AFF2: variants seen among roughly 807,000 people sequenced by gnomAD.
AFF2 encodes the protein ALF transcription elongation factor 2.
In AFF2, 14 loss-of-function variants were observed where a neutral mutation model predicts 76.9. That is an observed-to-expected ratio of 0.18 (90% CI 0.12 to 0.28). The LOEUF is 0.28. Among genes scored for constraint, AFF2 ranks in the 10% least tolerant of loss-of-function variants. The probability of loss-of-function intolerance (pLI) is 1.00; values close to 1 mark genes in which losing one functional copy is unlikely to be tolerated. For synonymous variants in AFF2, 398 were observed against 366.7 expected (o/e 1.09, Z -0.98); for missense variants, 868 against 1,001.1 (o/e 0.87, Z 1.79).
intron 3 of AFF2, among the ~76,000 whole-genome samples, chrX:148,762,006 TATAG>T (rs1358697574): frequency 2.4e-4 from 26 of 108,404 alleles, no homozygotes; most frequent in African/African-American, 7.6e-4. Flanking sequence ...TAGATATAGA[TATAG>T]ATAGATATAT....
chrX:148,563,966 C>T (rs2053141664), intron 1 of AFF2, among the ~76,000 whole-genome samples: 1 of 111,912 alleles, frequency 8.9e-6, no homozygotes, highest in South Asian at 3.7e-4. Flanking sequence ...CAGAACTTGA[C>T]TATCTTTTGT....
intron 14 of AFF2, 120 bp downstream of exon 14, chrX:148,967,199 A>G (rs1045324182): frequency 8.6e-6 from 9 of 1,046,598 alleles, no homozygotes; most frequent in Non-Finnish European, 1.1e-5. Context: ...CAAATCCTAT[A>G]CCCTTAAAAG....
At chrX:148,987,639 T>C in intron 20 of AFF2, 82 bp downstream of exon 20, 1 of 866,307 alleles carries the variant, frequency 1.2e-6, no homozygotes, top group South Asian at 2.6e-5. Flanking sequence ...TTGTACTTGG[T>C]GGCCTTATAT....
intron 3 of AFF2, among the ~76,000 whole-genome samples, chrX:148,721,831 C>T (rs113431036): frequency 2.7e-5 from 3 of 111,838 alleles, no homozygotes; most frequent in African/African-American, 6.5e-5. Flanking sequence ...TTGGTAGCCC[C>T]GGGCGTTGCC....
intron 9 of AFF2, among the ~76,000 whole-genome samples, chrX:148,905,559 G>A (rs191528822): frequency 2.7e-5 from 3 of 112,236 alleles, no homozygotes; most frequent in South Asian, 3.7e-4. Context: ...CTGGGTGGGC[G>A]ATTAGTGATC....
At chrX:148,628,572 CAA>C (rs782227745) in intron 1 of AFF2, among the ~76,000 whole-genome samples, 16 of 66,362 alleles carry the variant, frequency 2.4e-4, no homozygotes, top group South Asian at 6.6e-4. Context: ...GGTAGGTAAC[CAA>C]AAAAAAAAAA....
intron 19 of AFF2, among the ~76,000 whole-genome samples, chrX:148,985,285 CTTTTTTTTTTTTTTTTTTTTT>C (rs151339705): frequency 1.3e-4 from 2 of 15,382 alleles, no homozygotes; most frequent in Non-Finnish European, 2.4e-4. Flanking sequence ...TGTGCCTGGC[CTTTTTTTTTTTTTTTTTTTTT>C]TTTTTTTTTT....
At chrX:148,862,392 G>A (rs782566172) in intron 7 of AFF2, among the ~76,000 whole-genome samples, 4 of 110,837 alleles carry the variant, frequency 3.6e-5, no homozygotes, top group Admixed American at 9.6e-5. Flanking sequence ...ATGCAAACAC[G>A]CATAACATTA....
At chrX:148,935,015 T>C (rs1450499602) in intron 9 of AFF2, among the ~76,000 whole-genome samples, 1 of 105,231 alleles carries the variant, frequency 9.5e-6, no homozygotes, top group Non-Finnish European at 1.9e-5. Context: ...GCATAATTTT[T>C]CAAAGTGTGT....
intron 2 of AFF2, among the ~76,000 whole-genome samples, chrX:148,654,577 G>A (rs781916743): frequency 9.0e-6 from 1 of 110,693 alleles, no homozygotes; most frequent in African/African-American, 3.3e-5. Context: ...CTTCAATGGT[G>A]AATGAGAAGG....
At chrX:148,693,865 C>T (rs1316791611) in intron 3 of AFF2, among the ~76,000 whole-genome samples, 1 of 111,774 alleles carries the variant, frequency 8.9e-6, no homozygotes, top group Non-Finnish European at 1.9e-5. Flanking sequence ...TTCCTTTCCT[C>T]TTGCCATACT....
chrX:148,872,478 A>G (rs937074363), intron 7 of AFF2, among the ~76,000 whole-genome samples: 3 of 112,369 alleles, frequency 2.7e-5, no homozygotes, highest in African/African-American at 9.7e-5. Context: ...TAGCTGAATA[A>G]TCATTCATTT....
chrX:148,764,997 G>T (rs1557267588), intron 3 of AFF2, among the ~76,000 whole-genome samples: 1 of 111,811 alleles, frequency 8.9e-6, no homozygotes, highest in African/African-American at 3.3e-5. Context: ...TTCATGGTAG[G>T]TGCTTCACAA....
intron 16 of AFF2, among the ~76,000 whole-genome samples, chrX:148,977,614 G>GACACACAC (rs140911348): frequency 7.3e-4 from 68 of 92,749 alleles, no homozygotes; most frequent in African/African-American, 2.6e-3. Context: ...CCAGCATTTA[G>GACACACAC]ACACACACAC....
At chrX:148,831,392 AC>A (rs2070452382) in intron 4 of AFF2, among the ~76,000 whole-genome samples, 1 of 112,515 alleles carries the variant, frequency 8.9e-6, no homozygotes, top group African/African-American at 3.2e-5. Context: ...TGCAGTAAAG[AC>A]AGGCATAAGA....
chrX:148,918,891 C>G (rs7878123), intron 9 of AFF2, among the ~76,000 whole-genome samples: 10,658 of 111,410 alleles, frequency 0.096, 1,222 homozygotes, highest in African/African-American at 0.33. Flanking sequence ...TCTGATCTTC[C>G]AGCTTCTTAG....
chrX:148,832,493 A>G (rs184167149), intron 4 of AFF2, among the ~76,000 whole-genome samples: 3 of 112,457 alleles, frequency 2.7e-5, no homozygotes, highest in African/African-American at 6.4e-5. Flanking sequence ...TGCAAGCTCC[A>G]TCTTGAGCCT....
intron 1 of AFF2, among the ~76,000 whole-genome samples, chrX:148,521,580 C>G (rs150959061): frequency 4.6e-4 from 51 of 111,844 alleles, no homozygotes; most frequent in Middle Eastern, 4.6e-3. Context: ...AAACAAATTA[C>G]ATTGCATAGT....
chrX:148,831,183 T>C (rs1823337503), intron 4 of AFF2, among the ~76,000 whole-genome samples: 1 of 112,098 alleles, frequency 8.9e-6, no homozygotes. Context: ...AGATTTCATA[T>C]TGTTCAAACA....
Sources: gnomAD v4.1 joint callset for allele counts (sites outside exome capture counted in the v4.1 genomes callset) on GRCh38, gnomAD v4.1.1 for gene constraint, MANE v1.5 for transcripts, NCBI Gene and HGNC (gene_info 2026-07-23, HGNC 2026-07-21) for gene names.